The following CREB3L3 variants were observed in gnomAD, a reference collection of about 807,000 sequenced individuals.
CREB3L3 encodes cyclic AMP-responsive element-binding protein 3-like protein 3.
In CREB3L3, 40 loss-of-function variants were observed where a neutral mutation model predicts 44.6. The observed-to-expected ratio is 0.90, with a 90% CI of 0.70 to 1.17. The LOEUF (loss-of-function observed/expected upper bound fraction) is 1.17. CREB3L3 is among the 50% of genes most tolerant of loss of function. The pLI is 0.00. For synonymous variants in CREB3L3, 273 were observed against 256.3 expected (o/e 1.06, Z -0.62); for missense variants, 578 against 595.8 (o/e 0.97, Z 0.31).
chr19:4,168,910 T>A (rs1041680678), intron 6 of CREB3L3, among the ~76,000 whole-genome samples: 1 of 152,024 alleles, frequency 6.6e-6, no homozygotes, highest in Non-Finnish European at 1.5e-5. Flanking sequence ...TTTCTTTGTA[T>A]TTTTGGTAGA....
intron 6 of CREB3L3, among the ~76,000 whole-genome samples, chr19:4,169,697 T>G (rs1430565491): frequency 1.3e-5 from 2 of 150,838 alleles, no homozygotes; most frequent in East Asian, 4.0e-4. Flanking sequence ...GTTCAATCGA[T>G]TCTCCTGCCT....
In CREB3L3 at chr19:4,157,102, C is replaced by A. The variant is rs745479458; in HGVS notation, c.264C>A (p.Gly88=). ...GGTCCCCCGAAGGCAGTGATAGTGG[C>A]ATCTCCGAAGACCTCCCCTCCGACC... The part of the protein sequence containing the change: ...PLWSPEGSDS[G]ISEDLPSDPQ... Residue 88 remains glycine, a synonymous_variant, in exon 3 of 10, where the codon GGC becomes GGA. Transcript: ENST00000078445. 3.0e-5 allele frequency: 48 copies of A among 1,613,924 alleles called. No homozygotes were observed. Among genetic ancestry groups the A allele is most frequent in the Admixed American group, 5.0e-5 (3 of 59,972 alleles).
At chr19:4,163,827 CAG>C (rs1168122211) in intron 4 of CREB3L3, among the ~76,000 whole-genome samples, 6 of 138,126 alleles carry the variant, frequency 4.3e-5, no homozygotes, top group Admixed American at 3.0e-4. Context: ...TTTTTTGAGA[CAG>C]AGTCTTACTC....
rs1463359643 is a variant in CREB3L3 at position 4,171,195 on chromosome 19, G to A, written c.975+20G>A. On this transcript the variant is annotated intron_variant, in intron 8 of 9. Coordinates refer to ENST00000078445, the MANE Select transcript of CREB3L3 (RefSeq NM_032607.3). This position sits in a 1 kb window ranked among gnomAD's most constrained non-coding sequence, Gnocchi z 4.9. ...GTCGCAGTGAGTCCTGGTGCCCCCA[G>A]GCAAGCCGGGGACCTAGGCTTCTGT... is the stretch of plus-strand genomic sequence containing the variant. The A allele has an allele frequency of 4.4e-6, 7 of 1,608,006 alleles. No individual in the cohort carries two copies. Among genetic ancestry groups the A allele is most frequent in the Non-Finnish European group, 6.0e-6 (7 of 1,174,568 alleles).
chr19:4,164,892 A>G (rs970928089), intron 5 of CREB3L3, among the ~76,000 whole-genome samples: 1 of 151,620 alleles, frequency 6.6e-6, no homozygotes, highest in South Asian at 2.1e-4. Context: ...TATCTTTAGT[A>G]GAGACAGGGT....
At position 4,153,688 on chromosome 19, in the gene CREB3L3, G is replaced by A; in HGVS notation, c.-60G>A. The stretch of plus-strand genomic sequence containing the variant: ...GCCCCAGGTAACGCTGGCGGTGGGT[G>A]GGCCTCCAGCTTGGAGCAGAGACCC... On this transcript the variant is annotated 5_prime_UTR_variant, in exon 1 of 10. Transcript: ENST00000078445. 1 of 1,604,304 alleles carries A rather than the reference G, an allele frequency of 6.2e-7. No homozygotes were observed. The highest frequency in any genetic ancestry group is 1.1e-5 in the South Asian group (1 of 90,578).
At chr19:4,169,921 G>A (rs902406734) in intron 6 of CREB3L3, among the ~76,000 whole-genome samples, 5 of 152,108 alleles carry the variant, frequency 3.3e-5, no homozygotes, top group African/African-American at 7.2e-5. Context: ...TTTGAATGAA[G>A]CCCCCTCCAT....
chr19:4,157,396 A>G, intron 3 of CREB3L3, 101 bp downstream of exon 3: 1 of 1,320,416 alleles, frequency 7.6e-7, no homozygotes, highest in East Asian at 2.3e-5. Flanking sequence ...ATCTTGTCCA[A>G]GGTCACACAG....
Position 4,159,665 on chromosome 19 carries a change from A to G in CREB3L3, c.459A>G (p.Glu153=), listed in dbSNP as rs1381336687. The change falls in exon 4 of 10, where the codon GAA becomes GAG. Residue 153 remains glutamate (E), a splice_region_variant and synonymous_variant. Coordinates refer to ENST00000078445, the MANE Select transcript of CREB3L3 (RefSeq NM_032607.3). ...TCCGTCCCCACCTGCCCTGGTCAGA[A>G]ATGTGGAGCCCAGGAGGAAGGATCT... ...VPEASVTIDL[E]MWSPGGRICA... is the part of the protein sequence containing the mutation. 3.4e-6 allele frequency: 5 copies of G among 1,487,630 alleles called. No homozygotes were observed. The highest frequency in any genetic ancestry group is 4.7e-6 in the Non-Finnish European group (5 of 1,064,710). The allele number at this position is 1,487,630 out of a possible 1,614,324, so 92.2% of individuals were successfully genotyped here. A position where few individuals can be genotyped will look rare whatever the true frequency, so the allele number is the denominator to read the frequency against.
At chr19:4,157,321 C>A (rs1223051239) in intron 3 of CREB3L3, 26 bp downstream of exon 3, 1 of 1,612,382 alleles carries the variant, frequency 6.2e-7, no homozygotes, top group South Asian at 1.1e-5. Context: ...TCTCTGCCCA[C>A]CGCCCTCACC....
chr19:4,156,934 A>G, intron 2 of CREB3L3, 61 bp from the exon 3 acceptor site: 1 of 1,570,508 alleles, frequency 6.4e-7, no homozygotes, highest in Non-Finnish European at 8.8e-7. Flanking sequence ...CTGGGGCCAC[A>G]CACTAATCTA....
At chr19:4,159,154 C>CTTTT (rs34399566) in intron 3 of CREB3L3, among the ~76,000 whole-genome samples, 3 of 144,056 alleles carry the variant, frequency 2.1e-5, no homozygotes, top group Non-Finnish European at 3.0e-5. Flanking sequence ...GGGTCCCCAT[C>CTTTT]TTTTTTTTTT....
At chr19:4,162,051 A>G (rs2041667992) in intron 4 of CREB3L3, among the ~76,000 whole-genome samples, 2 of 152,244 alleles carry the variant, frequency 1.3e-5, no homozygotes, top group Non-Finnish European at 2.9e-5. Context: ...TCCGTCGTCC[A>G]GGCTAAGTGC....
rs759796508 is a variant in CREB3L3, at chr19:4,157,276, C to T, written c.438C>T (p.Ala146=). Residue 146 remains alanine, a synonymous_variant, in exon 3 of 10, where the codon GCC becomes GCT. Transcript: ENST00000078445. The part of the protein sequence containing the change: ...TPGPVIQVPE[A]SVTIDLEMWS... ...GGCCAGTGATCCAAGTACCTGAAGCCTCTGTGACCATAGACCTGGGTGAGT... is the reference window on the plus strand; with the variant it reads ...GGCCAGTGATCCAAGTACCTGAAGCTTCTGTGACCATAGACCTGGGTGAGT... The T allele has an allele frequency of 6.2e-7, 1 of 1,614,202 alleles. No individual in the cohort carries two copies. Among genetic ancestry groups the T allele is most frequent in the Non-Finnish European group, 8.5e-7 (1 of 1,180,048 alleles).
chr19:4,164,409 G>A, intron 4 of CREB3L3, 94 bp from the exon 5 acceptor site: 1 of 1,500,910 alleles, frequency 6.7e-7, no homozygotes, highest in East Asian at 2.3e-5. Flanking sequence ...CACCCAGCCT[G>A]GGGTGATAGT....
chr19:4,171,978 A>G lies in CREB3L3; in HGVS notation c.*9A>G, dbSNP rs1967062024. 1 of 1,579,322 alleles carries G rather than the reference A, an allele frequency of 6.3e-7. No homozygotes were observed. Among genetic ancestry groups the G allele is most frequent in the Non-Finnish European group, 8.6e-7 (1 of 1,166,014 alleles). Reference sequence around the variant, plus strand: ...CGGGAGACGAGCTGTGAGCCCCGCCAGGACTATGCTCCCAGGCCCCTCTGC... The same window carrying G: ...CGGGAGACGAGCTGTGAGCCCCGCCGGGACTATGCTCCCAGGCCCCTCTGC... On this transcript the variant is annotated 3_prime_UTR_variant, in exon 10 of 10. Transcript: ENST00000078445. The surrounding 1 kb of genome is among the most constrained non-coding windows in gnomAD (Gnocchi z 4.9).
At chr19:4,155,348 TTCTC>T (rs1243223504) in intron 2 of CREB3L3, among the ~76,000 whole-genome samples, 1 of 150,764 alleles carries the variant, frequency 6.6e-6, no homozygotes, top group Non-Finnish European at 1.5e-5. Context: ...TCTCCTTCCT[TTCTC>T]TCTTTCTTCT....
At chr19:4,159,403 G>A (rs2041629804) in intron 3 of CREB3L3, among the ~76,000 whole-genome samples, 1 of 110,978 alleles carries the variant, frequency 9.0e-6, no homozygotes, top group Admixed American at 8.7e-5. Flanking sequence ...CGCCTGCCTT[G>A]GCCTCCCAAA....
At chr19:4,160,580 G>C (rs903318926) in intron 4 of CREB3L3, among the ~76,000 whole-genome samples, 6 of 151,416 alleles carry the variant, frequency 4.0e-5, no homozygotes, top group African/African-American at 1.5e-4. Context: ...TTCTGAGACA[G>C]AATCTTGCTC....
Sources: gnomAD v4.1 joint callset for allele counts (sites outside exome capture counted in the v4.1 genomes callset) on GRCh38, gnomAD v4.1.1 for gene constraint, Gnocchi (gnomAD v3.1) non-coding constraint, MANE v1.5 for transcripts, NCBI Gene and HGNC (gene_info 2026-07-23, HGNC 2026-07-21) for gene names.